Variants in ATF6 observed in about 807,000 individuals in gnomAD.
ATF6 encodes the protein activating transcription factor 6.
Under a neutral mutation model 83.6 loss-of-function variants are expected in ATF6, and 53 were observed. The ratio of observed to expected loss-of-function variants is 0.63; its 90% confidence interval spans 0.51 to 0.80. The LOEUF (loss-of-function observed/expected upper bound fraction) is 0.80, where lower values mean the gene tolerates loss of function less well. Among genes scored for constraint, ATF6 ranks in the 30% least tolerant of loss-of-function variants. The pLI is 0.00. For missense variants in ATF6, 744 were observed against 797.9 expected, an observed-to-expected ratio of 0.93 and a Z score of 0.81; for synonymous variants, 288 against 285.8, an observed-to-expected ratio of 1.01 and a Z score of -0.08.
At chr1:161,848,831 C>T (rs1336321695) in intron 10 of ATF6, among the ~76,000 whole-genome samples, 1 of 152,030 alleles carries the variant, frequency 6.6e-6, no homozygotes, top group Non-Finnish European at 1.5e-5. Context: ...CTGACTGTTC[C>T]TGGGCTAATG....
At chr1:161,832,483 G>T (rs530008350) in intron 9 of ATF6, among the ~76,000 whole-genome samples, 194 of 152,298 alleles carry the variant, frequency 1.3e-3, no homozygotes, top group Non-Finnish European at 1.8e-3. Context: ...AAGTGCAAGG[G>T]GTCAGGTAGT....
At chr1:161,772,991 A>G (rs1429829103) in intron 1 of ATF6, among the ~76,000 whole-genome samples, 10 of 129,014 alleles carry the variant, frequency 7.8e-5, no homozygotes, top group Non-Finnish European at 1.3e-4. Flanking sequence ...TTTTTGAGAC[A>G]GAGTCTTGCT....
intron 15 of ATF6, among the ~76,000 whole-genome samples, chr1:161,925,196 G>C (rs928063302): frequency 1.3e-5 from 2 of 152,180 alleles, no homozygotes; most frequent in Non-Finnish European, 2.9e-5. Flanking sequence ...ATTCTCTTCT[G>C]AATGGGCTCT....
intron 14 of ATF6, among the ~76,000 whole-genome samples, chr1:161,874,879 G>C (rs946683195): frequency 6.6e-6 from 1 of 151,696 alleles, no homozygotes; most frequent in Admixed American, 6.6e-5. Flanking sequence ...TTGCATGTCT[G>C]TCTATCTATC....
intron 14 of ATF6, among the ~76,000 whole-genome samples, chr1:161,905,469 T>G (rs1018630238): frequency 1.7e-4 from 26 of 152,186 alleles, no homozygotes; most frequent in Non-Finnish European, 1.5e-5. Flanking sequence ...CCCCCTGTGG[T>G]CTGCTTTGGT....
chr1:161,810,897 A>G (rs1460093580), intron 7 of ATF6, among the ~76,000 whole-genome samples: 2 of 151,062 alleles, frequency 1.3e-5, no homozygotes, highest in South Asian at 2.1e-4. Context: ...CACTTACCAT[A>G]TTTTTTTCAA....
intron 14 of ATF6, among the ~76,000 whole-genome samples, chr1:161,904,770 A>C (rs1687851240): frequency 6.6e-6 from 1 of 152,198 alleles, no homozygotes; most frequent in Non-Finnish European, 1.5e-5. Flanking sequence ...GAACAGCTTT[A>C]TATAGTATCA....
rs10524670 is a variant in ATF6, at chr1:161,947,810, C to CTTTTTTTTTTTTTTTT, written c.1805-10620_1805-10605dup. On this transcript the variant is annotated intron_variant, in intron 15 of 15. Transcript: ENST00000367942. ...ATATTCCATAGTCCTTAAGCCACGC[C>CTTTTTTTTTTTTTTTT]TTTTTTTTTTTTTTTTTTTTTTTTT... Among the ~76,000 whole-genome samples the CTTTTTTTTTTTTTTTT allele has an allele frequency of 1.4e-4, 8 of 57,580 alleles. 1 individual carries two copies. Among genetic ancestry groups the CTTTTTTTTTTTTTTTT allele is most frequent in the African/African-American group, 6.0e-4 (7 of 11,720 alleles). The allele number at this position is 57,580 out of a possible 152,430, so 37.8% of individuals were successfully genotyped here.
intron 5 of ATF6, 144 bp downstream of exon 5, chr1:161,791,681 G>T (rs555772304): frequency 1.8e-4 from 156 of 883,168 alleles, no homozygotes; most frequent in Middle Eastern, 1.1e-3. Flanking sequence ...TGTTTGTTGT[G>T]AGTGATTACC....
intron 15 of ATF6, among the ~76,000 whole-genome samples, chr1:161,931,994 C>T (rs1048420140): frequency 6.6e-6 from 1 of 152,074 alleles, no homozygotes; most frequent in African/African-American, 2.4e-5. Flanking sequence ...TAATTTAAGT[C>T]TATAATAGAA....
At chr1:161,790,884 A>G (rs746125185) in intron 4 of ATF6, among the ~76,000 whole-genome samples, 9 of 152,166 alleles carry the variant, frequency 5.9e-5, no homozygotes, top group Non-Finnish European at 8.8e-5. Context: ...CTTTTACAAC[A>G]TTTGGAACAA....
At chr1:161,841,500 G>A (rs1686358597) in intron 9 of ATF6, among the ~76,000 whole-genome samples, 1 of 152,048 alleles carries the variant, frequency 6.6e-6, no homozygotes, top group Non-Finnish European at 1.5e-5. Flanking sequence ...AGTGAAAAAC[G>A]TTAAAAGATT....
At chr1:161,871,454 A>G (rs1687122370) in intron 14 of ATF6, among the ~76,000 whole-genome samples, 2 of 151,624 alleles carry the variant, frequency 1.3e-5, no homozygotes, top group Non-Finnish European at 3.0e-5. Flanking sequence ...GAGTTTACCT[A>G]TAAAACAAAC....
At chr1:161,950,137 A>G (rs903065743) in intron 15 of ATF6, among the ~76,000 whole-genome samples, 1 of 152,216 alleles carries the variant, frequency 6.6e-6, no homozygotes, top group African/African-American at 2.4e-5. Context: ...AAATATTTTA[A>G]GATTCCATTT....
At chr1:161,840,201 G>A (rs1402897692) in intron 9 of ATF6, 1 of 152,188 alleles carries the variant, frequency 6.6e-6, no homozygotes, top group Non-Finnish European at 1.5e-5. Context: ...TACATGTGAG[G>A]AATTGGAGGC....
intron 15 of ATF6, among the ~76,000 whole-genome samples, chr1:161,913,187 G>A (rs946844676): frequency 6.6e-6 from 1 of 152,130 alleles, no homozygotes; most frequent in Admixed American, 6.5e-5. Flanking sequence ...TTTCAAGTTT[G>A]TGTATCTCAC....
At chr1:161,953,817 C>G (rs558870212) in intron 15 of ATF6, among the ~76,000 whole-genome samples, 1 of 152,166 alleles carries the variant, frequency 6.6e-6, no homozygotes, top group Non-Finnish European at 1.5e-5. Flanking sequence ...GCTCCCTGAC[C>G]AGCTTCAATT....
chr1:161,907,178 A>G (rs1231437888), intron 14 of ATF6, among the ~76,000 whole-genome samples: 1 of 152,166 alleles, frequency 6.6e-6, no homozygotes, highest in Non-Finnish European at 1.5e-5. Context: ...TGAAAGGCCT[A>G]CTTCTAGTTG....
In ATF6 at chr1:161,896,606, T is replaced by G. The variant is rs987064139; in HGVS notation, c.1720-15690T>G. Among the ~76,000 whole-genome samples, 10 of 152,220 alleles carry G rather than the reference T, an allele frequency of 6.6e-5. 1 individual carries two copies. Among genetic ancestry groups the G allele is most frequent in the Admixed American group, 4.6e-4 (7 of 15,286 alleles). ...TCCTTATTGGTGAAAACCTAGCTGG[T>G]GCAGATGAACAGGAATCGAACCTAT... On this transcript the variant is annotated intron_variant, in intron 14 of 15. Transcript: ENST00000367942.
Sources: gnomAD v4.1 joint callset for allele counts (sites outside exome capture counted in the v4.1 genomes callset) on GRCh38, gnomAD v4.1.1 for gene constraint, MANE v1.5 for transcripts, NCBI Gene and HGNC (gene_info 2026-07-23, HGNC 2026-07-21) for gene names.